The following MAGI2 variants were observed in gnomAD, a reference collection of about 807,000 sequenced individuals.
The protein encoded by MAGI2 is membrane associated guanylate kinase, WW and PDZ domain containing 2.
In MAGI2, 35 loss-of-function variants were observed where a neutral mutation model predicts 133.3. The observed-to-expected ratio is 0.26, with a 90% CI of 0.20 to 0.35. The LOEUF (loss-of-function observed/expected upper bound fraction) is 0.35. Ranked by LOEUF, MAGI2 falls within the 10% of genes least tolerant of loss-of-function variation. The pLI is 1.00. For missense variants in MAGI2, 1,636 were observed against 1,863.4 expected, an observed-to-expected ratio of 0.88 and a Z score of 2.25; for synonymous variants, 729 against 710.6, an observed-to-expected ratio of 1.03 and a Z score of -0.41.
chr7:78,518,305 T>C (rs1338564833), intron 4 of MAGI2: 1 of 152,178 alleles, frequency 6.6e-6, no homozygotes, highest in Non-Finnish European at 1.5e-5. Context: ...AAGAAATATA[T>C]TTATGCTTGT....
At chr7:78,831,650 C>A (rs1791162390) in intron 2 of MAGI2, among the ~76,000 whole-genome samples, 2 of 152,168 alleles carry the variant, frequency 1.3e-5, no homozygotes, top group Admixed American at 6.5e-5. Flanking sequence ...TGATTTGCCC[C>A]ATTTAACTTC....
intron 1 of MAGI2, among the ~76,000 whole-genome samples, chr7:79,197,525 G>T (rs1170610218): frequency 6.6e-6 from 1 of 151,898 alleles, no homozygotes; most frequent in East Asian, 1.9e-4. Flanking sequence ...TAACTAACTT[G>T]GTCTCTTTCT....
intron 1 of MAGI2, among the ~76,000 whole-genome samples, chr7:79,281,397 A>G (rs1476963139): frequency 6.6e-6 from 1 of 152,160 alleles, no homozygotes; most frequent in African/African-American, 2.4e-5. Flanking sequence ...GTAAAATAAG[A>G]AAAAAGCTGG....
intron 1 of MAGI2, among the ~76,000 whole-genome samples, chr7:79,053,233 G>A (rs961627085): frequency 6.6e-6 from 1 of 151,950 alleles, no homozygotes; most frequent in Non-Finnish European, 1.5e-5. Context: ...TTGGCCTCCC[G>A]AAGTGCTGGG....
At chr7:79,414,939 G>C (rs1198928821) in intron 1 of MAGI2, 3 of 152,088 alleles carry the variant, frequency 2.0e-5, no homozygotes, top group African/African-American at 4.8e-5. Flanking sequence ...CTTGAAGGGA[G>C]GGACTATACT....
intron 2 of MAGI2, among the ~76,000 whole-genome samples, chr7:78,917,668 A>G (rs1191473565): frequency 6.6e-6 from 1 of 152,146 alleles, no homozygotes; most frequent in African/African-American, 2.4e-5. Context: ...TCAGCCCCAC[A>G]AGACTGCCCT....
chr7:78,520,486 T>C (rs1172539583), intron 4 of MAGI2, among the ~76,000 whole-genome samples: 1 of 151,970 alleles, frequency 6.6e-6, no homozygotes, highest in Non-Finnish European at 1.5e-5. Context: ...TTAAGAATAA[T>C]ATGTATGAAA....
At chr7:79,225,692 A>T (rs964311120) in intron 1 of MAGI2, among the ~76,000 whole-genome samples, 11 of 152,172 alleles carry the variant, frequency 7.2e-5, no homozygotes, top group African/African-American at 2.7e-4. Context: ...AACTTATGCA[A>T]ATGTGTGCAT....
At chr7:79,387,780 T>C (rs2129147944) in intron 1 of MAGI2, among the ~76,000 whole-genome samples, 1 of 152,128 alleles carries the variant, frequency 6.6e-6, no homozygotes, top group East Asian at 1.9e-4. Context: ...GATGTCTTCC[T>C]TGCCTTCCTT....
intron 3 of MAGI2, among the ~76,000 whole-genome samples, chr7:78,536,359 G>A (rs1018921892): frequency 6.6e-6 from 1 of 151,630 alleles, no homozygotes; most frequent in Non-Finnish European, 1.5e-5. Context: ...TGATCCGCCC[G>A]CCTCGGCCTC....
At chr7:78,376,126 G>T (rs961993463) in intron 6 of MAGI2, among the ~76,000 whole-genome samples, 2 of 151,992 alleles carry the variant, frequency 1.3e-5, no homozygotes, top group African/African-American at 4.8e-5. Flanking sequence ...AAAGCTGGGG[G>T]TGTAACTTTT....
chr7:78,201,082 G>A, intron 11 of MAGI2, 80 bp downstream of exon 11: 1 of 890,636 alleles, frequency 1.1e-6, no homozygotes, highest in Non-Finnish European at 1.7e-6. Context: ...AGATTTTGAG[G>A]TCACCCAATT....
At chr7:78,797,104 A>G (rs1044251691) in intron 2 of MAGI2, among the ~76,000 whole-genome samples, 21 of 152,170 alleles carry the variant, frequency 1.4e-4, no homozygotes, top group African/African-American at 5.1e-4. Flanking sequence ...GATTTACTGA[A>G]TATTTCAAAA....
intron 1 of MAGI2, among the ~76,000 whole-genome samples, chr7:79,153,310 C>A (rs1823448344): frequency 2.0e-5 from 3 of 152,126 alleles, no homozygotes; most frequent in South Asian, 4.1e-4. Flanking sequence ...GCCCACCAGG[C>A]TCTGAGCACC....
At chr7:78,778,323 A>T (rs1282853312) in intron 2 of MAGI2, among the ~76,000 whole-genome samples, 1 of 152,184 alleles carries the variant, frequency 6.6e-6, no homozygotes, top group African/African-American at 2.4e-5. Context: ...TAATCCACTC[A>T]GTGTCACTTT....
chr7:78,148,437 A>G (rs751368362), intron 16 of MAGI2, among the ~76,000 whole-genome samples: 2 of 152,190 alleles, frequency 1.3e-5, no homozygotes, highest in Non-Finnish European at 2.9e-5. Flanking sequence ...CAAAACTCAG[A>G]GTATAGACTA....
At chr7:78,873,950 T>C (rs1427678284) in intron 2 of MAGI2, among the ~76,000 whole-genome samples, 2 of 152,154 alleles carry the variant, frequency 1.3e-5, no homozygotes, top group African/African-American at 4.8e-5. Context: ...AGATAATCAC[T>C]ACCTACTAGA....
chr7:78,088,511 T>C (rs1816862794), intron 20 of MAGI2, among the ~76,000 whole-genome samples: 1 of 152,132 alleles, frequency 6.6e-6, no homozygotes, highest in African/African-American at 2.4e-5. Flanking sequence ...TTTCGAAGAA[T>C]GGGCAGGGTT....
intron 2 of MAGI2, among the ~76,000 whole-genome samples, chr7:78,831,876 T>G (rs1432894651): frequency 6.6e-6 from 1 of 152,196 alleles, no homozygotes; most frequent in African/African-American, 2.4e-5. Flanking sequence ...AAAAGAGAGT[T>G]ATAATTTTCA....
Sources: gnomAD v4.1 joint callset for allele counts (sites outside exome capture counted in the v4.1 genomes callset) on GRCh38, gnomAD v4.1.1 for gene constraint, MANE v1.5 for transcripts, NCBI Gene and HGNC (gene_info 2026-07-23, HGNC 2026-07-21) for gene names.